CYFIP1: variants seen among roughly 807,000 people sequenced by gnomAD.
CYFIP1 encodes cytoplasmic FMR1 interacting protein 1.
A neutral mutation model predicts 163.5 loss-of-function variants in CYFIP1; 58 were observed. The ratio of observed to expected loss-of-function variants is 0.35; its 90% CI spans 0.29 to 0.44. The LOEUF (loss-of-function observed/expected upper bound fraction) is 0.44. Ranked by LOEUF, CYFIP1 falls within the 20% of genes least tolerant of loss-of-function variation. The pLI is 1.00. For missense variants in CYFIP1, 1,338 were observed against 1,653.8 expected (o/e 0.81, Z 3.31); for synonymous variants, 663 against 660.7 (o/e 1.00, Z -0.05).
intron 22 of CYFIP1, among the ~76,000 whole-genome samples, chr15:22,896,238 G>A (rs1273589481): frequency 1.3e-5 from 2 of 152,094 alleles, no homozygotes; most frequent in Non-Finnish European, 2.9e-5. Context: ...CCCACTGCAC[G>A]TTGCCTCGGG....
intron 1 of CYFIP1, among the ~76,000 whole-genome samples, chr15:22,959,220 T>C (rs1398534920): frequency 1.3e-5 from 2 of 152,188 alleles, no homozygotes; most frequent in Non-Finnish European, 2.9e-5. Flanking sequence ...ACAGACAGCA[T>C]AAACAATTAA....
intron 24 of CYFIP1, among the ~76,000 whole-genome samples, chr15:22,882,278 T>G (rs2059788826): frequency 6.6e-6 from 1 of 152,236 alleles, no homozygotes; most frequent in Non-Finnish European, 1.5e-5. Flanking sequence ...CCCAGGACGC[T>G]GTCTGTGCTC....
chr15:22,902,598 G>A (rs1175544967), intron 22 of CYFIP1, among the ~76,000 whole-genome samples: 1 of 152,212 alleles, frequency 6.6e-6, no homozygotes, highest in Non-Finnish European at 1.5e-5. Context: ...TGAGGAAAAT[G>A]GACACCATAA....
Position 22,867,334 on chromosome 15 carries a change from A to AAT in CYFIP1, c.*2692_*2693dup. 5 of 396,496 alleles carry AAT rather than the reference A, an allele frequency of 1.3e-5. No individual in the cohort carries two copies. The highest frequency in any genetic ancestry group is 2.2e-5 in the Non-Finnish European group (5 of 225,056). The allele number at this position is 396,496 out of a possible 1,614,324, so 24.6% of individuals were successfully genotyped here. A position where few individuals can be genotyped will look rare whatever the true frequency, so the allele number is the denominator to read the frequency against. The stretch of plus-strand genomic sequence containing the variant: ...TGATGATGATTGGTTTTATTTTTGA[A>AAT]ATATTTATTAAGGGAAAACTAAGTT... On this transcript the variant is annotated 3_prime_UTR_variant, in exon 31 of 31. Transcript: ENST00000617928.
chr15:22,923,918 G>A (rs1330363026), intron 13 of CYFIP1, among the ~76,000 whole-genome samples: 1 of 135,428 alleles, frequency 7.4e-6, no homozygotes, highest in Non-Finnish European at 1.5e-5. Context: ...ACTCCAGTTG[G>A]GTGACAGAGT....
chr15:22,886,051 G>A (rs1284086860), intron 23 of CYFIP1, among the ~76,000 whole-genome samples: 1 of 152,164 alleles, frequency 6.6e-6, no homozygotes, highest in Non-Finnish European at 1.5e-5. Flanking sequence ...CATGGCGGAA[G>A]GTGAAGGGGG....
intron 22 of CYFIP1, among the ~76,000 whole-genome samples, chr15:22,893,659 C>A (rs1264746765): frequency 2.0e-5 from 3 of 152,178 alleles, no homozygotes; most frequent in African/African-American, 7.2e-5. Flanking sequence ...ACTGCTGTCC[C>A]ACACAATGTG....
rs185767131 is a variant in CYFIP1 at position 22,889,514 on chromosome 15, A to G, written c.2676+3376T>C. On this transcript the variant is annotated intron_variant, in intron 23 of 30. Transcript: ENST00000617928. ...GGGCACACAGACACACTGGGCAGCA[A>G]AGATGTCACCACAGTGCTATCCTGG... Among the ~76,000 whole-genome samples the G allele has an allele frequency of 3.3e-5, 5 of 152,312 alleles. No homozygotes were observed. In the East Asian group the frequency reaches 9.6e-4, roughly 29 times the overall value.
chr15:22,977,500 G>C (rs910976382), intron 1 of CYFIP1, among the ~76,000 whole-genome samples: 5 of 152,150 alleles, frequency 3.3e-5, no homozygotes, highest in African/African-American at 1.2e-4. Flanking sequence ...AAAACAATGA[G>C]AATAGCTTGG....
intron 1 of CYFIP1, among the ~76,000 whole-genome samples, chr15:22,951,062 A>C (rs1214706082): frequency 2.0e-5 from 3 of 152,210 alleles, no homozygotes; most frequent in Non-Finnish European, 4.4e-5. Flanking sequence ...TACAGTCTCC[A>C]GGCTCAGGCA....
intron 8 of CYFIP1, among the ~76,000 whole-genome samples, chr15:22,938,279 A>G (rs1319837839): frequency 6.6e-6 from 1 of 152,246 alleles, no homozygotes; most frequent in Admixed American, 6.5e-5. Flanking sequence ...TAGGAATCAC[A>G]TGCTTGACAA....
chr15:22,921,610 G>T, intron 13 of CYFIP1, among the ~76,000 whole-genome samples: 1 of 151,832 alleles, frequency 6.6e-6, no homozygotes, highest in South Asian at 2.1e-4. Context: ...GAGGTCAGGA[G>T]TTCAAGACCA....
intron 22 of CYFIP1, among the ~76,000 whole-genome samples, chr15:22,897,952 C>T (rs1297097945): frequency 6.6e-6 from 1 of 152,172 alleles, no homozygotes; most frequent in African/African-American, 2.4e-5. Context: ...GTTAAGGTCC[C>T]TGCTCTCTCA....
At chr15:22,969,656 C>T (rs1365718512) in intron 1 of CYFIP1, among the ~76,000 whole-genome samples, 1 of 152,142 alleles carries the variant, frequency 6.6e-6, no homozygotes, top group Non-Finnish European at 1.5e-5. Context: ...AATCCCACTA[C>T]ATACATATTT....
chr15:22,966,122 G>A (rs1315257087), intron 1 of CYFIP1, among the ~76,000 whole-genome samples: 1 of 151,930 alleles, frequency 6.6e-6, no homozygotes, highest in African/African-American at 2.4e-5. Context: ...GCCGAGGCGG[G>A]TGGATCACCT....
chr15:22,951,249 C>T (rs2062239678), intron 1 of CYFIP1: 1 of 982,124 alleles, frequency 1.0e-6, no homozygotes, highest in Non-Finnish European at 1.3e-6. Flanking sequence ...GGGAACGCCC[C>T]CGACCGCAGC....
chr15:22,958,724 C>T (rs1229404191), intron 1 of CYFIP1, among the ~76,000 whole-genome samples: 1 of 152,194 alleles, frequency 6.6e-6, no homozygotes, highest in Non-Finnish European at 1.5e-5. Context: ...ACCTCTGCTT[C>T]TCTTCCTGTC....
chr15:22,959,314 C>A (rs1170396285), intron 1 of CYFIP1, among the ~76,000 whole-genome samples: 6 of 152,238 alleles, frequency 3.9e-5, no homozygotes, highest in African/African-American at 1.4e-4. Context: ...AAGAAGACAG[C>A]GTTTCCCGCT....
intron 11 of CYFIP1, among the ~76,000 whole-genome samples, chr15:22,930,153 T>C (rs1308691720): frequency 6.6e-6 from 1 of 151,568 alleles, no homozygotes; most frequent in African/African-American, 2.4e-5. Context: ...GGTCAGGAGA[T>C]TGAGACCATC....
Sources: gnomAD v4.1 joint callset for allele counts (sites outside exome capture counted in the v4.1 genomes callset) on GRCh38, gnomAD v4.1.1 for gene constraint, MANE v1.5 for transcripts, NCBI Gene and HGNC (gene_info 2026-07-23, HGNC 2026-07-21) for gene names.